Variants in COL23A1 observed in about 807,000 individuals in gnomAD.
The protein encoded by COL23A1 is collagen alpha-1(XXIII) chain.
In COL23A1, 97 loss-of-function variants were observed where a neutral mutation model predicts 99.3. The observed-to-expected ratio is 0.98, with a 90% confidence interval of 0.83 to 1.16. The LOEUF (loss-of-function observed/expected upper bound fraction) is 1.16, where lower values mean the gene tolerates loss of function less well. COL23A1 is among the 50% of genes most tolerant of loss of function. The pLI is 0.00. For synonymous variants in COL23A1, 320 were observed against 308.2 expected, an observed-to-expected ratio of 1.04 and a Z score of -0.40; for missense variants, 762 against 757.4, an observed-to-expected ratio of 1.01 and a Z score of -0.07.
intron 2 of COL23A1, among the ~76,000 whole-genome samples, chr5:178,401,610 G>A (rs1227313136): frequency 1.1e-4 from 17 of 152,160 alleles, no homozygotes; most frequent in South Asian, 6.2e-4. Context: ...GAATAATGCC[G>A]CTATAAACAT....
intron 2 of COL23A1, among the ~76,000 whole-genome samples, chr5:178,390,762 C>T (rs1763920567): frequency 6.6e-6 from 1 of 152,246 alleles, no homozygotes. Flanking sequence ...CCCTGCCTCA[C>T]ACCATATGTA....
chr5:178,321,103 T>C (rs1397458986), intron 2 of COL23A1, among the ~76,000 whole-genome samples: 1 of 152,258 alleles, frequency 6.6e-6, no homozygotes, highest in Non-Finnish European at 1.5e-5. Flanking sequence ...ACTGTATTTG[T>C]AAATTTCTAA....
chr5:178,296,205 G>C (rs1161172672), intron 3 of COL23A1, among the ~76,000 whole-genome samples: 1 of 152,218 alleles, frequency 6.6e-6, no homozygotes, highest in Non-Finnish European at 1.5e-5. Context: ...GAGAGCCTGA[G>C]GTCCTGAGAG....
chr5:178,402,910 A>G (rs1581316980), intron 2 of COL23A1, among the ~76,000 whole-genome samples: 1 of 133,014 alleles, frequency 7.5e-6, no homozygotes, highest in African/African-American at 2.7e-5. Context: ...AATTCTGAGC[A>G]CACACAAAAA....
intron 1 of COL23A1, chr5:178,561,882 A>G (rs1215732605): frequency 3.2e-6 from 1 of 316,764 alleles, no homozygotes; most frequent in Non-Finnish European, 6.3e-6. Flanking sequence ...GGAACAGCCC[A>G]GGACCGGGAG....
At chr5:178,513,082 A>C (rs952054140) in intron 2 of COL23A1, among the ~76,000 whole-genome samples, 4 of 152,156 alleles carry the variant, frequency 2.6e-5, no homozygotes, top group African/African-American at 9.7e-5. Context: ...TGCATGAGAG[A>C]GCAGATGGAG....
intron 19 of COL23A1, 71 bp downstream of exon 19, chr5:178,249,046 A>AC (rs1368612004): frequency 8.0e-6 from 12 of 1,497,258 alleles, no homozygotes; most frequent in Non-Finnish European, 1.9e-6. Flanking sequence ...TCCCCACAGC[A>AC]CGGGGGGCAC....
chr5:178,550,114 C>G (rs1043425155), intron 2 of COL23A1, among the ~76,000 whole-genome samples: 2 of 152,178 alleles, frequency 1.3e-5, no homozygotes. Flanking sequence ...CTGAAGTGCT[C>G]TACTCCCAGG....
intron 16 of COL23A1, among the ~76,000 whole-genome samples, chr5:178,253,236 C>G (rs1765126189): frequency 6.6e-6 from 1 of 152,042 alleles, no homozygotes; most frequent in African/African-American, 2.4e-5. Flanking sequence ...AAACTGCACC[C>G]TGCCCAGCCC....
chr5:178,263,987 G>A (rs1051462126), intron 8 of COL23A1, among the ~76,000 whole-genome samples: 9 of 152,140 alleles, frequency 5.9e-5, no homozygotes, highest in African/African-American at 1.2e-4. Flanking sequence ...CTGTATCTAC[G>A]TAACACTCTT....
At position 178,384,096 on chromosome 5, in the gene COL23A1, A is replaced by T. The variant is rs956603771; in HGVS notation, c.362-77177T>A. 2.6e-5 allele frequency among the ~76,000 whole-genome samples: 4 copies of T among 152,278 alleles called. No homozygotes were observed. Among genetic ancestry groups the T allele is most frequent in the Non-Finnish European group, 5.9e-5 (4 of 68,016 alleles). On this transcript the variant is annotated intron_variant, in intron 2 of 28. Coordinates refer to ENST00000390654, the MANE Select transcript of COL23A1 (RefSeq NM_173465.4). The surrounding 1 kb of genome is among the most constrained non-coding windows in gnomAD (Gnocchi z 5.5). ...GGCCAGGCAGGTCCCACCTCTCTGCAAAGACCCCTCTTCTCTAGAAAGGGG... is the reference window on the plus strand; with the variant it reads ...GGCCAGGCAGGTCCCACCTCTCTGCTAAGACCCCTCTTCTCTAGAAAGGGG...
chr5:178,255,782 A>C lies in COL23A1; in HGVS notation c.882+571T>G. The C allele has an allele frequency of 1.2e-5, 4 of 345,204 alleles. No homozygotes were observed. The highest frequency in any genetic ancestry group is 5.0e-4 in the Middle Eastern group (1 of 2,018). 21.4% of individuals were successfully genotyped at this position (345,204 alleles called of 1,614,324 possible). On this transcript the variant is annotated intron_variant, in intron 15 of 28. Transcript: ENST00000390654. The surrounding 1 kb of genome is among the most constrained non-coding windows in gnomAD (Gnocchi z 4.2). ...CTAATCCAACCCCCTCCCGCTCCCC[A>C]CCACCTGCACAGCCAGGCGGGGGCT...
Position 178,257,530 on chromosome 5 carries a change from C to T in COL23A1, c.767G>A (p.Gly256Glu), listed in dbSNP as rs867439753. Residue 256 changes from glycine to glutamate, a missense_variant, in exon 13 of 29, where the codon GGG becomes GAG. Gly to Glu is a moderately conservative substitution (Grantham distance 98, BLOSUM62 -2). Coordinates refer to ENST00000390654, the MANE Select transcript of COL23A1 (RefSeq NM_173465.4). ...GGAGGGGCAGATACTCACCTTGGGC[C>T]CTGGTGGTCCAGGCTGGCTTGGTGT... is the stretch of plus-strand genomic sequence containing the variant. ...DGTPSQPGPP[G>E]PKGEPGSMGP... The T allele has an allele frequency of 1.9e-6, 3 of 1,566,060 alleles. No individual in the cohort carries two copies. In the East Asian group the frequency reaches 7.1e-5, roughly 37 times the overall value.
chr5:178,322,202 C>T (rs2127629612), intron 2 of COL23A1, among the ~76,000 whole-genome samples: 1 of 152,104 alleles, frequency 6.6e-6, no homozygotes, highest in Non-Finnish European at 1.5e-5. Flanking sequence ...CTGTGTTGGC[C>T]AGGCTGTTCT....
rs1766469355 is a variant in COL23A1 at position 178,434,897 on chromosome 5, C to T, written c.361+125785G>A. Among the ~76,000 whole-genome samples the T allele has an allele frequency of 6.6e-6, 1 of 152,214 alleles. No homozygotes were observed. The highest frequency in any genetic ancestry group is 2.4e-5 in the African/African-American group (1 of 41,458). ...AGGCATCCACTTCTGAACCCTCGGTCTCAGCCCTTGCAGGGCAGCCCAGCC... is the reference window on the plus strand; with the variant it reads ...AGGCATCCACTTCTGAACCCTCGGTTTCAGCCCTTGCAGGGCAGCCCAGCC... On this transcript the variant is annotated intron_variant, in intron 2 of 28. Transcript: ENST00000390654. The surrounding 1 kb of genome is among the most constrained non-coding windows in gnomAD (Gnocchi z 4.3).
intron 2 of COL23A1, among the ~76,000 whole-genome samples, chr5:178,413,435 A>G (rs1765149678): frequency 6.6e-6 from 1 of 152,242 alleles, no homozygotes; most frequent in Admixed American, 6.5e-5. Flanking sequence ...ATAGAAAGAC[A>G]GAACTTTCTC....
chr5:178,423,414 G>T, intron 2 of COL23A1, among the ~76,000 whole-genome samples: 1 of 152,268 alleles, frequency 6.6e-6, no homozygotes, highest in Non-Finnish European at 1.5e-5. Flanking sequence ...AGTGATCTAT[G>T]GTGTACGGTA....
At chr5:178,423,300 G>A (rs1435361693) in intron 2 of COL23A1, among the ~76,000 whole-genome samples, 2 of 152,046 alleles carry the variant, frequency 1.3e-5, no homozygotes, top group Admixed American at 1.3e-4. Flanking sequence ...TTTGCATTTT[G>A]ATCTTTCACT....
chr5:178,325,637 T>A (rs772952063), intron 2 of COL23A1, among the ~76,000 whole-genome samples: 1 of 152,230 alleles, frequency 6.6e-6, no homozygotes, highest in Non-Finnish European at 1.5e-5. Context: ...TGGAGCCGTC[T>A]GCCCATCAGT....
Sources: allele counts gnomAD v4.1 joint callset (sites outside exome capture counted in the v4.1 genomes callset), GRCh38; gene constraint gnomAD v4.1.1; non-coding constraint Gnocchi (gnomAD v3.1); transcripts MANE v1.5; gene names NCBI Gene and HGNC (gene_info 2026-07-23, HGNC 2026-07-21).